The following LNX1 variants were observed in gnomAD, a reference collection of about 807,000 sequenced individuals.
LNX1 encodes the protein E3 ubiquitin-protein ligase LNX.
A neutral mutation model predicts 68.4 loss-of-function variants in LNX1; 54 were observed. That is an observed-to-expected ratio of 0.79 (90% confidence interval 0.63 to 0.99). The LOEUF (loss-of-function observed/expected upper bound fraction) is 0.99. Among genes scored for constraint, LNX1 ranks in the 50% least tolerant of loss-of-function variants. LNX1 has a pLI of 0.00. For missense variants in LNX1, 906 were observed against 926.4 expected, an observed-to-expected ratio of 0.98 and a Z score of 0.29; for synonymous variants, 336 against 350.0, an observed-to-expected ratio of 0.96 and a Z score of 0.45.
chr4:53,632,489 T>C lies in LNX1; in HGVS notation c.-215+19679A>G, dbSNP rs368876051. Reference sequence around the variant, plus strand: ...GCCAAGAGGGTCAGTCAGACAATGATCGACTGACTAGGGTACAAAAGTCCA... The same window carrying C: ...GCCAAGAGGGTCAGTCAGACAATGACCGACTGACTAGGGTACAAAAGTCCA... On this transcript the variant is annotated intron_variant, in intron 1 of 2. Transcript: ENST00000507168. Among the ~76,000 whole-genome samples, 20 of 152,318 alleles carry C rather than the reference T, an allele frequency of 1.3e-4. 1 individual carries two copies. The South Asian group carries it at 2.5e-3, about 19-fold the overall frequency.
rs143155722 is a variant in LNX1 at position 53,590,083 on chromosome 4, C to G, written c.-87+1305G>C. ...AGACAAGTGGTGGCCAAACCCCCCC[C>G]CTTAAACTCACAAGCTTGGGGAAAA... On this transcript the variant is annotated intron_variant, in intron 1 of 10. Coordinates refer to ENST00000263925, the MANE Select transcript of LNX1 (RefSeq NM_001126328.3). Among the ~76,000 whole-genome samples, 932 of 152,204 alleles carry G rather than the reference C, an allele frequency of 6.1e-3. 10 individuals carry two copies. Among genetic ancestry groups the G allele is most frequent in the African/African-American group, 0.021 (878 of 41,512 alleles).
At chr4:53,559,958 G>T (rs1342255516) in intron 2 of LNX1, among the ~76,000 whole-genome samples, 2 of 152,146 alleles carry the variant, frequency 1.3e-5, no homozygotes, top group East Asian at 3.8e-4. Context: ...ACTGCACCTG[G>T]GTCTACTGTT....
chr4:53,557,786 G>A, intron 2 of LNX1: 1 of 1,412,474 alleles, frequency 7.1e-7, no homozygotes, highest in Non-Finnish European at 9.8e-7. Flanking sequence ...AATTTAAAAT[G>A]GATATATCAG....
chr4:53,550,830 A>C (rs1299505517), intron 2 of LNX1, among the ~76,000 whole-genome samples: 1 of 152,318 alleles, frequency 6.6e-6, no homozygotes, highest in Admixed American at 6.5e-5. Flanking sequence ...TGGTCTTGCC[A>C]CACAGCCTTC....
intron 2 of LNX1, among the ~76,000 whole-genome samples, chr4:53,565,869 G>A (rs1344496374): frequency 2.0e-5 from 3 of 152,140 alleles, no homozygotes; most frequent in African/African-American, 4.8e-5. Flanking sequence ...CTCAGGAGCC[G>A]ACGTGATCAA....
At chr4:53,646,245 A>T (rs892782034) in intron 1 of LNX1, among the ~76,000 whole-genome samples, 13 of 152,176 alleles carry the variant, frequency 8.5e-5, no homozygotes, top group African/African-American at 3.1e-4. Flanking sequence ...AGATGCCTCC[A>T]ATTGCCAGGC....
chr4:53,579,823 C>T (rs1731722424), intron 1 of LNX1, among the ~76,000 whole-genome samples: 1 of 152,154 alleles, frequency 6.6e-6, no homozygotes, highest in Non-Finnish European at 1.5e-5. Flanking sequence ...CCACATACTC[C>T]ACTAGAAGGA....
At chr4:53,626,928 A>C (rs1429392603) in intron 1 of LNX1, among the ~76,000 whole-genome samples, 2 of 151,970 alleles carry the variant, frequency 1.3e-5, no homozygotes, top group Admixed American at 1.3e-4. Context: ...TTAGCCTGGG[A>C]AGCCTGGGAA....
At chr4:53,552,228 T>C (rs1044756443) in intron 2 of LNX1, among the ~76,000 whole-genome samples, 2 of 152,180 alleles carry the variant, frequency 1.3e-5, no homozygotes, top group African/African-American at 2.4e-5. Flanking sequence ...TGTTGATAAC[T>C]GTCTTCCTAA....
chr4:53,651,706 C>T (rs574223581), intron 1 of LNX1, among the ~76,000 whole-genome samples: 5 of 152,270 alleles, frequency 3.3e-5, no homozygotes, highest in Admixed American at 6.5e-5. Context: ...ACCTCTTTAT[C>T]CATGGGTAAA....
chr4:53,530,779 TTTTG>T (rs1394194967), intron 2 of LNX1, among the ~76,000 whole-genome samples: 1 of 152,162 alleles, frequency 6.6e-6, no homozygotes, highest in Non-Finnish European at 1.5e-5. Context: ...AAACTATAAT[TTTTG>T]TTTAAGTATT....
intron 1 of LNX1, chr4:53,575,823 C>T (rs766757248): frequency 6.3e-7 from 1 of 1,586,854 alleles, no homozygotes; most frequent in Non-Finnish European, 8.6e-7. Context: ...CAGCAATGGA[C>T]CAGCTACTAG....
intron 2 of LNX1, among the ~76,000 whole-genome samples, chr4:53,519,902 G>C (rs1329766257): frequency 6.6e-6 from 1 of 152,232 alleles, no homozygotes; most frequent in Non-Finnish European, 1.5e-5. Flanking sequence ...GGATTCTTGA[G>C]ACGTGGGATT....
upstream of LNX1, among the ~76,000 whole-genome samples, chr4:53,620,603 T>A (rs1225587466): frequency 6.6e-6 from 1 of 152,158 alleles, no homozygotes; most frequent in Non-Finnish European, 1.5e-5. Context: ...GGGTACAACG[T>A]GCATTGCTCC....
intron 2 of LNX1, among the ~76,000 whole-genome samples, chr4:53,566,476 C>T (rs1730700293): frequency 6.6e-6 from 1 of 150,630 alleles, no homozygotes; most frequent in Non-Finnish European, 1.5e-5. Context: ...CCAGGCCTGC[C>T]CTAAAAGAGC....
chr4:53,473,127 A>T (rs538200423), intron 9 of LNX1, among the ~76,000 whole-genome samples: 1 of 152,332 alleles, frequency 6.6e-6, no homozygotes, highest in East Asian at 1.9e-4. Flanking sequence ...AACCAACCAT[A>T]TTACTATGAA....
chr4:53,620,395 T>A (rs917428317), upstream of LNX1, among the ~76,000 whole-genome samples: 3 of 152,196 alleles, frequency 2.0e-5, no homozygotes, highest in African/African-American at 7.2e-5. Flanking sequence ...CCAATCTGTG[T>A]TTTAGCAAGC....
chr4:53,601,233 A>G (rs1733000553), intron 2 of LNX1, among the ~76,000 whole-genome samples: 1 of 152,082 alleles, frequency 6.6e-6, no homozygotes, highest in Non-Finnish European at 1.5e-5. Flanking sequence ...GGGATCCCTA[A>G]GTTCCTTGTT....
intron 4 of LNX1, 56 bp from the exon 5 acceptor site, chr4:53,498,899 T>C (rs181555457): frequency 7.7e-5 from 102 of 1,330,212 alleles, no homozygotes; most frequent in Non-Finnish European, 1.0e-4. Flanking sequence ...CCTTTCCAAC[T>C]ACTCTTCTTG....
Sources: allele counts gnomAD v4.1 joint callset (sites outside exome capture counted in the v4.1 genomes callset), GRCh38; gene constraint gnomAD v4.1.1; transcripts MANE v1.5; gene names NCBI Gene and HGNC (gene_info 2026-07-23, HGNC 2026-07-21).